The following OGN variants were observed in gnomAD, a reference collection of about 807,000 sequenced individuals.
OGN encodes the protein osteoglycin, also known as mimecan.
Under a neutral mutation model 30.8 loss-of-function variants are expected in OGN, and 19 were observed. The observed-to-expected ratio is 0.62, with a 90% CI of 0.43 to 0.90. OGN has a LOEUF of 0.90. OGN is among the 40% of genes least tolerant of loss of function. The pLI is 0.00. For synonymous variants in OGN, 126 were observed against 128.3 expected, an observed-to-expected ratio of 0.98 and a Z score of 0.12; for missense variants, 283 against 349.7, an observed-to-expected ratio of 0.81 and a Z score of 1.52.
intron 5 of OGN, among the ~76,000 whole-genome samples, chr9:92,388,915 C>T (rs1347700646): frequency 6.6e-6 from 1 of 151,154 alleles, no homozygotes; most frequent in Non-Finnish European, 1.5e-5. Context: ...TAAGAAACAT[C>T]AGATGAGCTC....
At chr9:92,388,532 A>G (rs756024490) in intron 5 of OGN, among the ~76,000 whole-genome samples, 1 of 151,608 alleles carries the variant, frequency 6.6e-6, no homozygotes, top group Non-Finnish European at 1.5e-5. Flanking sequence ...ATATTTTCAA[A>G]TTACAACTTT....
At chr9:92,393,324 A>T (rs544071313) in intron 3 of OGN, 80 bp from the exon 4 acceptor site, 1 of 1,073,296 alleles carries the variant, frequency 9.3e-7, no homozygotes. Context: ...TATTGCTATT[A>T]TGAATGCTAT....
At chr9:92,397,411 C>T (rs1842934586) in intron 3 of OGN, among the ~76,000 whole-genome samples, 1 of 152,138 alleles carries the variant, frequency 6.6e-6, no homozygotes, top group Non-Finnish European at 1.5e-5. Context: ...CACTGCAGCT[C>T]TGCCTCCTGA....
Position 92,393,238 on chromosome 9 carries a change from G to A in OGN, c.275C>T (p.Pro92Leu). The A allele has an allele frequency of 6.4e-6, 10 of 1,562,440 alleles. No homozygotes were observed. The highest frequency in any genetic ancestry group is 8.7e-6 in the Non-Finnish European group (10 of 1,154,096). The change falls in exon 4 of 7, where the codon CCC becomes CTC. Residue 92 changes from proline to leucine, a missense_variant. Transcript: ENST00000375561. ...LPPKKENDEMPTCLLCVCLSG... is the reference protein window; with the variant it reads ...LPPKKENDEMLTCLLCVCLSG... ...TAAACAAACACACAGCAGACACGTG[G>A]GCATTTCTAAATTGGGAATAAAATC... is the stretch of plus-strand genomic sequence containing the variant.
rs1843092757 is a variant in OGN, at chr9:92,401,103, T to G, written c.257A>C (p.Lys86Thr). ...TAGATGATACTTACCATCATTTTCT[T>G]TCTTGGGAGGTAATGGTGTTATTGC... ...DEAITPLPPKKENDEMPTCLL... is the reference protein window; with the variant it reads ...DEAITPLPPKTENDEMPTCLL... Residue 86 changes from lysine to threonine, a missense_variant, in exon 3 of 7, where the codon AAA becomes ACA. Transcript: ENST00000375561. 1 of 1,457,562 alleles carries G rather than the reference T, an allele frequency of 6.9e-7. No individual in the cohort carries two copies. The highest frequency in any genetic ancestry group is 1.2e-5 in the South Asian group (1 of 86,502). The allele number at this position is 1,457,562 out of a possible 1,614,324, so 90.3% of individuals were successfully genotyped here.
At chr9:92,403,876 A>T in intron 1 of OGN, 2 of 197,306 alleles carry the variant, frequency 1.0e-5, no homozygotes, top group Non-Finnish European at 1.8e-5. Flanking sequence ...ATTGGTATGA[A>T]CAGAAACAAG....
chr9:92,383,797 G>C lies in OGN; in HGVS notation c.*1823C>G, dbSNP rs184907585. 6.6e-6 allele frequency among the ~76,000 whole-genome samples: 1 copy of C among 151,724 alleles called. No individual in the cohort carries two copies. Among genetic ancestry groups the C allele is most frequent in the East Asian group, 1.9e-4 (1 of 5,168 alleles). ...TATCATTATCTTATCTAAAACTACTGACTTTTGAATTTTTTCTTAATTTGA... is the reference window on the plus strand; with the variant it reads ...TATCATTATCTTATCTAAAACTACTCACTTTTGAATTTTTTCTTAATTTGA... On this transcript the variant is annotated 3_prime_UTR_variant, in exon 7 of 7. Coordinates refer to ENST00000375561, the MANE Select transcript of OGN (RefSeq NM_014057.5).
At chr9:92,394,408 A>ATT (rs34978081) in intron 3 of OGN, among the ~76,000 whole-genome samples, 78 of 130,948 alleles carry the variant, frequency 6.0e-4, no homozygotes, top group African/African-American at 9.1e-4. Context: ...ACACATGGCT[A>ATT]TTTTTTTTTT....
intron 3 of OGN, 56 bp downstream of exon 3, chr9:92,401,036 G>A (rs1037505170): frequency 2.4e-6 from 2 of 822,958 alleles, no homozygotes; most frequent in African/African-American, 1.7e-5. Context: ...AAGGAATAAA[G>A]TCCATTATAG....
chr9:92,392,776 A>G (rs1842739950), intron 4 of OGN, among the ~76,000 whole-genome samples: 1 of 152,170 alleles, frequency 6.6e-6, no homozygotes, highest in East Asian at 1.9e-4. Context: ...TCCCAGTTAT[A>G]TTGGTGTTGC....
rs970192814 is a variant in OGN, at chr9:92,386,446, G to A, written c.631-150C>T. 5.2e-6 allele frequency: 3 copies of A among 578,610 alleles called. No homozygotes were observed. The Admixed American group carries it at 9.2e-5, about 18-fold the overall frequency. The allele number at this position is 578,610 out of a possible 1,614,324, so 35.8% of individuals were successfully genotyped here. ...ATCAATTATATCAATTGTTCGTATG[G>A]TAGTTTCTTGTTTGGGTTTTTTTTC... On this transcript the variant is annotated intron_variant, in intron 5 of 6. Transcript: ENST00000375561.
chr9:92,392,489 G>GCA (rs1171891364), intron 4 of OGN, among the ~76,000 whole-genome samples: 1 of 152,022 alleles, frequency 6.6e-6, no homozygotes, highest in Non-Finnish European at 1.5e-5. Flanking sequence ...AGGTGTGGTG[G>GCA]CACACACCTC....
chr9:92,395,447 C>G (rs1211133714), intron 3 of OGN, among the ~76,000 whole-genome samples: 2 of 152,088 alleles, frequency 1.3e-5, no homozygotes, highest in African/African-American at 4.8e-5. Context: ...TGGGTTGTTT[C>G]CAGGTTTTCA....
At chr9:92,385,867 C>G (rs1352200994) in intron 6 of OGN, 77 bp from the exon 7 acceptor site, 1 of 1,438,104 alleles carries the variant, frequency 7.0e-7, no homozygotes, top group South Asian at 1.2e-5. Context: ...GTAAAGGAAA[C>G]CTAAGTCAGA....
chr9:92,391,456 AGGTGTG>A (rs1842682484), intron 4 of OGN, among the ~76,000 whole-genome samples: 1 of 151,800 alleles, frequency 6.6e-6, no homozygotes, highest in Non-Finnish European at 1.5e-5. Flanking sequence ...ACAAGTAACC[AGGTGTG>A]GTGGCACATG....
Position 92,401,107 on chromosome 9 carries a change from TG to T in OGN, c.252del (p.Lys85ArgfsTer16). ...QKDEAITPLP[P>X]KKENDEMPTC... ...TGATACTTACCATCATTTTCTTTCT[TG>T]GGAGGTAATGGTGTTATTGCCTCAT... On this transcript the variant is annotated frameshift_variant, in exon 3 of 7. Coordinates refer to ENST00000375561, the MANE Select transcript of OGN (RefSeq NM_014057.5). LOFTEE classifies it high-confidence loss of function. The T allele has an allele frequency of 6.8e-7, 1 of 1,472,940 alleles. No individual in the cohort carries two copies. Among genetic ancestry groups the T allele is most frequent in the Non-Finnish European group, 9.5e-7 (1 of 1,055,176 alleles). The allele number at this position is 1,472,940 out of a possible 1,614,324, so 91.2% of individuals were successfully genotyped here.
chr9:92,384,222 TG>T lies in OGN; in HGVS notation c.*1397del, dbSNP rs1401949500. ...AATAATTGTGTTCTTAGATCTCAGA[TG>T]CTTTAATGAAAAATGTTATCTTGAG... On this transcript the variant is annotated 3_prime_UTR_variant, in exon 7 of 7. Coordinates refer to ENST00000375561, the MANE Select transcript of OGN (RefSeq NM_014057.5). 6.6e-6 allele frequency: 1 copy of T among 152,180 alleles called. No individual in the cohort carries two copies. The highest frequency in any genetic ancestry group is 6.5e-5 in the Admixed American group (1 of 15,284). The allele number at this position is 152,180 out of a possible 1,614,324, so 9.4% of individuals were successfully genotyped here.
intron 3 of OGN, among the ~76,000 whole-genome samples, chr9:92,397,545 G>C (rs1842939940): frequency 6.6e-6 from 1 of 152,130 alleles, no homozygotes; most frequent in Non-Finnish European, 1.5e-5. Context: ...GGCCAGGCTT[G>C]TCTCAAATTC....
chr9:92,398,205 A>G (rs1353005698), intron 3 of OGN, among the ~76,000 whole-genome samples: 3 of 152,176 alleles, frequency 2.0e-5, no homozygotes, highest in Non-Finnish European at 4.4e-5. Context: ...TGTGTTTAAC[A>G]GTTACTTAGA....
Sources: allele counts gnomAD v4.1 joint callset (sites outside exome capture counted in the v4.1 genomes callset), GRCh38; gene constraint gnomAD v4.1.1; transcripts MANE v1.5; gene names NCBI Gene and HGNC (gene_info 2026-07-23, HGNC 2026-07-21).